TMEM117: variants seen among roughly 807,000 people sequenced by gnomAD.
TMEM117 encodes transmembrane protein 117.
TMEM117 carries 27 observed loss-of-function variants against 52.4 expected under a neutral mutation model. That is an observed-to-expected ratio of 0.51 (90% confidence interval 0.38 to 0.71). The LOEUF (loss-of-function observed/expected upper bound fraction) is 0.71, where lower values mean the gene tolerates loss of function less well. Among genes scored for constraint, TMEM117 ranks in the 30% least tolerant of loss-of-function variants. The pLI is 0.00. For synonymous variants in TMEM117, 215 were observed against 206.3 expected (o/e 1.04, Z -0.36); for missense variants, 556 against 630.5 (o/e 0.88, Z 1.26).
rs181219242 is a variant in TMEM117, at chr12:44,101,281, G to A, written c.411-42244G>A. Among the ~76,000 whole-genome samples the A allele has an allele frequency of 4.0e-5, 6 of 151,816 alleles. No individual in the cohort carries two copies. In the South Asian group the frequency reaches 8.3e-4, roughly 21 times the overall value. ...TGTTGAAACCTAATCAACATCTTAG[G>A]TTGGTGATGGTGCCTTCGAGTGACA... On this transcript the variant is annotated intron_variant, in intron 3 of 7. Coordinates refer to ENST00000266534, the MANE Select transcript of TMEM117 (RefSeq NM_032256.3).
downstream of TMEM117, among the ~76,000 whole-genome samples, chr12:44,394,132 G>A (rs555406566): frequency 2.6e-5 from 4 of 152,146 alleles, no homozygotes; most frequent in Non-Finnish European, 2.9e-5. Flanking sequence ...ATTTTGAAAT[G>A]ATGACTCCAA....
At chr12:44,312,242 GT>G (rs1443099572) in intron 6 of TMEM117, among the ~76,000 whole-genome samples, 2 of 151,818 alleles carry the variant, frequency 1.3e-5, no homozygotes, top group African/African-American at 4.8e-5. Context: ...TAGATTTTCA[GT>G]TTTTCAGCCC....
chr12:44,328,865 GAA>G (rs1213760279), intron 6 of TMEM117, among the ~76,000 whole-genome samples: 1 of 151,934 alleles, frequency 6.6e-6, no homozygotes, highest in Non-Finnish European at 1.5e-5. Context: ...ATGATTCCTG[GAA>G]TCAGGATGAG....
chr12:44,150,330 A>G (rs1313957730), intron 4 of TMEM117, among the ~76,000 whole-genome samples: 2 of 152,146 alleles, frequency 1.3e-5, no homozygotes, highest in Non-Finnish European at 2.9e-5. Flanking sequence ...AGAGAAAGAG[A>G]AGGAGGCAAG....
intron 3 of TMEM117, among the ~76,000 whole-genome samples, chr12:43,987,566 C>G (rs1199048360): frequency 6.7e-6 from 1 of 149,058 alleles, no homozygotes; most frequent in African/African-American, 2.5e-5. Context: ...TTTTTTTTCC[C>G]TTGGGAGTCT....
At chr12:44,249,657 G>A (rs1170870652) in intron 5 of TMEM117, among the ~76,000 whole-genome samples, 1 of 152,094 alleles carries the variant, frequency 6.6e-6, no homozygotes, top group Non-Finnish European at 1.5e-5. Context: ...TAGATCAATG[G>A]AACTGAACAG....
intron 5 of TMEM117, among the ~76,000 whole-genome samples, chr12:44,253,411 A>G (rs1950218696): frequency 6.6e-6 from 1 of 152,198 alleles, no homozygotes; most frequent in African/African-American, 2.4e-5. Context: ...GGAACACCTT[A>G]AAAGGAGATC....
chr12:43,826,096 G>C, the TMEM117 span, among the ~76,000 whole-genome samples: 30 of 152,346 alleles, frequency 2.0e-4, no homozygotes, highest in South Asian at 6.2e-3. Flanking sequence ...GCCCAAGCCA[G>C]AAATCTACAT....
chr12:43,916,970 A>G (rs1313393424), intron 2 of TMEM117, among the ~76,000 whole-genome samples: 1 of 151,084 alleles, frequency 6.6e-6, no homozygotes, highest in African/African-American at 2.4e-5. Flanking sequence ...GCAGCCTCCT[A>G]GAGCATAATC....
chr12:43,799,627 T>G, the TMEM117 span: 1 of 522,958 alleles, frequency 1.9e-6, no homozygotes, highest in Non-Finnish European at 3.2e-6. Flanking sequence ...CATTATGAAT[T>G]TTAATATCTT....
At chr12:44,295,060 T>A (rs1189928254) in intron 5 of TMEM117, among the ~76,000 whole-genome samples, 1 of 152,128 alleles carries the variant, frequency 6.6e-6, no homozygotes, top group East Asian at 1.9e-4. Context: ...GATGTCTGTA[T>A]CCCTCTGGGA....
At chr12:44,004,714 T>C (rs559517133) in intron 3 of TMEM117, among the ~76,000 whole-genome samples, 14 of 152,300 alleles carry the variant, frequency 9.2e-5, no homozygotes, top group African/African-American at 3.1e-4. Context: ...AGCATAAATA[T>C]TGTCTACAAA....
chr12:43,905,322 A>C lies in TMEM117; in HGVS notation c.278-38888A>C, dbSNP rs116930265. 9.1e-3 allele frequency among the ~76,000 whole-genome samples: 1,382 copies of C among 152,124 alleles called. 39 individuals are homozygous for C. The highest frequency in any genetic ancestry group is 0.067 in the East Asian group (348 of 5,176). On this transcript the variant is annotated intron_variant, in intron 2 of 7. Transcript: ENST00000266534. Reference sequence around the variant, plus strand: ...GAATACTTGAGTATTCTTTCTATTCATTCTCTTATTCCCAGTATGCACTCA... The same window carrying C: ...GAATACTTGAGTATTCTTTCTATTCCTTCTCTTATTCCCAGTATGCACTCA...
chr12:43,856,276 T>C (rs1251894508), intron 2 of TMEM117, among the ~76,000 whole-genome samples: 2 of 152,268 alleles, frequency 1.3e-5, no homozygotes, highest in African/African-American at 2.4e-5. Flanking sequence ...AAATATTTAA[T>C]GTTGTGTCAC....
At chr12:44,377,111 C>T (rs747076734) in intron 7 of TMEM117, among the ~76,000 whole-genome samples, 80 of 152,104 alleles carry the variant, frequency 5.3e-4, no homozygotes, top group Non-Finnish European at 1.1e-3. Context: ...GAAATGTAGT[C>T]CTTAGCTGAG....
Position 43,914,409 on chromosome 12 carries a change from A to T in TMEM117, c.278-29801A>T, listed in dbSNP as rs145186642. On this transcript the variant is annotated intron_variant, in intron 2 of 7. Transcript: ENST00000266534. ...ACATTTTGTTCTTCTTTATCCCTGC[A>T]CTAAGTCTGATCTGGCAATTGAATG... Among the ~76,000 whole-genome samples the T allele has an allele frequency of 6.5e-4, 99 of 152,234 alleles. 1 individual carries two copies. The highest frequency in any genetic ancestry group is 1.3e-3 in the Non-Finnish European group (91 of 68,012).
At chr12:44,326,399 A>T (rs565295029) in intron 6 of TMEM117, among the ~76,000 whole-genome samples, 1 of 152,298 alleles carries the variant, frequency 6.6e-6, no homozygotes, top group East Asian at 1.9e-4. Context: ...GACAGTGAAG[A>T]ACTGGAAAGT....
the TMEM117 span, among the ~76,000 whole-genome samples, chr12:43,823,816 A>T: frequency 1.0e-4 from 15 of 146,540 alleles, no homozygotes; most frequent in South Asian, 2.4e-3. Flanking sequence ...AGTGTAATTT[A>T]AAAAAAAAAA....
chr12:44,301,748 C>A (rs868081613), intron 6 of TMEM117, among the ~76,000 whole-genome samples: 10 of 151,696 alleles, frequency 6.6e-5, no homozygotes, highest in African/African-American at 2.2e-4. Context: ...ATGGCCTTTC[C>A]AGGTTTCTCG....
Sources: allele counts gnomAD v4.1 joint callset (sites outside exome capture counted in the v4.1 genomes callset), GRCh38; gene constraint gnomAD v4.1.1; transcripts MANE v1.5; gene names NCBI Gene and HGNC (gene_info 2026-07-23, HGNC 2026-07-21).